ECT2L: variants seen among roughly 807,000 people sequenced by gnomAD.
ECT2L encodes epithelial cell transforming 2 like, also known as epithelial cell-transforming sequence 2 oncogene-like.
ECT2L carries 126 observed loss-of-function variants against 122.8 expected under a neutral mutation model. The observed-to-expected ratio is 1.03, with a 90% CI of 0.89 to 1.19. ECT2L has a LOEUF of 1.19. Ranked by LOEUF, ECT2L falls within the 50% of genes most tolerant of loss-of-function variation. The probability of loss-of-function intolerance (pLI) is 0.00; values close to 1 mark genes in which losing one functional copy is unlikely to be tolerated. For synonymous variants in ECT2L, 385 were observed against 381.8 expected (o/e 1.01, Z -0.10); for missense variants, 1,012 against 1,064.1 (o/e 0.95, Z 0.68).
chr6:138,838,467 T>C lies in ECT2L; in HGVS notation c.295T>C (p.Cys99Arg). 1 of 1,614,016 alleles carries C rather than the reference T, an allele frequency of 6.2e-7. No homozygotes were observed. Among genetic ancestry groups the C allele is most frequent in the Non-Finnish European group, 8.5e-7 (1 of 1,179,974 alleles). ...IFSFLSPKDL[C>R]AAAQVSWPWK... ...TTCCTTTTTGAGTCCGAAAGATTTGTGTGCCGCTGCCCAAGTCAGCTGGCC... is the reference window on the plus strand; with the variant it reads ...TTCCTTTTTGAGTCCGAAAGATTTGCGTGCCGCTGCCCAAGTCAGCTGGCC... Residue 99 changes from cysteine to arginine, a missense_variant, in exon 5 of 22, where the codon TGT (cysteine) becomes CGT (arginine). Cys to Arg is a radical substitution (Grantham distance 180, BLOSUM62 -3). Coordinates refer to ENST00000541398, the MANE Select transcript of ECT2L (RefSeq NM_001077706.3).
At chr6:138,888,647 C>T (rs551587024) in intron 19 of ECT2L, among the ~76,000 whole-genome samples, 1 of 152,222 alleles carries the variant, frequency 6.6e-6, no homozygotes, top group South Asian at 2.1e-4. Flanking sequence ...CTTCTTATCC[C>T]CCAACCCCCA....
intron 14 of ECT2L, among the ~76,000 whole-genome samples, chr6:138,880,273 A>G (rs1457771528): frequency 6.6e-6 from 1 of 152,204 alleles, no homozygotes; most frequent in Non-Finnish European, 1.5e-5. Context: ...TCAAGATGCT[A>G]ACATCTGTCA....
chr6:138,899,604 A>AT (rs1242371212), intron 20 of ECT2L, among the ~76,000 whole-genome samples: 1 of 152,184 alleles, frequency 6.6e-6, no homozygotes, highest in Non-Finnish European at 1.5e-5. Flanking sequence ...GCAGGGATTG[A>AT]TGTCACTTAA....
At chr6:138,799,000 C>A (rs1024419708) in intron 1 of ECT2L, among the ~76,000 whole-genome samples, 1 of 152,168 alleles carries the variant, frequency 6.6e-6, no homozygotes, top group Middle Eastern at 3.2e-3. Context: ...TACATCACTT[C>A]ATTTTTTTGT....
intron 20 of ECT2L, among the ~76,000 whole-genome samples, chr6:138,897,824 A>G (rs542364536): frequency 1.2e-4 from 18 of 152,278 alleles, no homozygotes; most frequent in Admixed American, 8.5e-4. Flanking sequence ...CACCTGGTCC[A>G]AGTGGGTCAC....
Position 138,846,596 on chromosome 6 carries a change from A to C in ECT2L, c.822A>C (p.Gly274=). The C allele has an allele frequency of 1.9e-6, 3 of 1,611,204 alleles. No homozygotes were observed. Among genetic ancestry groups the C allele is most frequent in the Non-Finnish European group, 2.5e-6 (3 of 1,179,160 alleles). Residue 274 remains glycine, a synonymous_variant, in exon 8 of 22, where the codon GGA becomes GGC. Coordinates refer to ENST00000541398, the MANE Select transcript of ECT2L (RefSeq NM_001077706.3). The stretch of plus-strand genomic sequence containing the variant: ...TATTATCAAAGAAAAATTGGCATGG[A>C]GTTCATAAAAATGATGACAGATCTT... ...YPLLSKKNWH[G]VHKNDDRSSY... is the part of the protein sequence containing the mutation.
chr6:138,846,711 T>G lies in ECT2L; in HGVS notation c.903+34T>G, dbSNP rs755643684. Reference sequence around the variant, plus strand: ...TGTTATGAGGCCAGTCCTGTCCTGATTGTTTTTTTGTTTTTTGTTTTTTTT... The same window carrying G: ...TGTTATGAGGCCAGTCCTGTCCTGAGTGTTTTTTTGTTTTTTGTTTTTTTT... On this transcript the variant is annotated intron_variant, in intron 8 of 21. Coordinates refer to ENST00000541398, the MANE Select transcript of ECT2L (RefSeq NM_001077706.3). The G allele has an allele frequency of 3.5e-6, 5 of 1,424,588 alleles. No individual in the cohort carries two copies. In the South Asian group the frequency reaches 7.0e-5, roughly 20 times the overall value. The allele number at this position is 1,424,588 out of a possible 1,614,324, so 88.2% of individuals were successfully genotyped here.
intron 20 of ECT2L, among the ~76,000 whole-genome samples, chr6:138,892,969 A>G (rs1461965396): frequency 2.6e-5 from 4 of 152,084 alleles, no homozygotes; most frequent in East Asian, 1.9e-4. Flanking sequence ...TTCTCTCCCT[A>G]TCATCTTTGG....
chr6:138,838,583 G>A (rs1776928544), intron 5 of ECT2L, 69 bp downstream of exon 5: 40 of 1,468,620 alleles, frequency 2.7e-5, no homozygotes, highest in Non-Finnish European at 3.6e-5. Context: ...GGCTACTGGG[G>A]TAGCTCCCGT....
intron 12 of ECT2L, 150 bp downstream of exon 12, chr6:138,865,328 C>G (rs1450730905): frequency 1.8e-6 from 1 of 567,286 alleles, no homozygotes; most frequent in African/African-American, 1.8e-5. Context: ...CACGGCCTTT[C>G]AAATATAACG....
chr6:138,901,297 A>G lies in ECT2L; in HGVS notation c.2587+177A>G, dbSNP rs533993910. ...ACTTTCATCTACTTTTGAAATGGTT[A>G]AAGACAGGGCTTCTGGCATTCAGAC... is the stretch of plus-strand genomic sequence containing the variant. On this transcript the variant is annotated intron_variant, in intron 21 of 21. Transcript: ENST00000541398. Among the ~76,000 whole-genome samples the G allele has an allele frequency of 4.6e-5, 7 of 152,344 alleles. No homozygotes were observed. The East Asian group carries it at 1.3e-3, about 29-fold the overall frequency.
Position 138,842,974 on chromosome 6 carries a change from T to C in ECT2L, c.343-5T>C, listed in dbSNP as rs756429756. 1 of 1,479,590 alleles carries C rather than the reference T, an allele frequency of 6.8e-7. No individual in the cohort carries two copies. The highest frequency in any genetic ancestry group is 2.3e-5 in the East Asian group (1 of 43,272). The allele number at this position is 1,479,590 out of a possible 1,614,324, so 91.7% of individuals were successfully genotyped here. ...TTGTGACTCATCTTCCTCTTGTTTC[T>C]GAAGGATTGCTTATGGATGCCCAAA... is the stretch of plus-strand genomic sequence containing the variant. On this transcript the variant is annotated splice_polypyrimidine_tract_variant and splice_region_variant and intron_variant, in intron 5 of 21. Coordinates refer to ENST00000541398, the MANE Select transcript of ECT2L (RefSeq NM_001077706.3).
At position 138,881,021 on chromosome 6, in the gene ECT2L, G is replaced by A. The variant is rs1048592006; in HGVS notation, c.1730G>A (p.Ser577Asn). ...AGAGTTGTCAGAGAACTCTTACAGA[G>A]TGAGAGAAAATACGTGCAGATACTG... ...RARVVRELLQSERKYVQILEI... is the reference protein window; with the variant it reads ...RARVVRELLQNERKYVQILEI... The change falls in exon 15 of 22, where the codon AGT (serine) becomes AAT (asparagine). Residue 577 changes from serine to asparagine, a missense_variant. Ser to Asn is a conservative substitution (Grantham distance 46). Coordinates refer to ENST00000541398, the MANE Select transcript of ECT2L (RefSeq NM_001077706.3). 1.2e-6 allele frequency: 2 copies of A among 1,614,126 alleles called. No homozygotes were observed. The highest frequency in any genetic ancestry group is 1.7e-5 in the Admixed American group (1 of 60,020).
rs757591300 is a variant in ECT2L at position 138,882,789 on chromosome 6, T to C, written c.1946T>C (p.Ile649Thr). ...EWGPAHCVGE[I>T]VTKFGSQLNT... The stretch of plus-strand genomic sequence containing the variant: ...GGCCCAGCTCACTGTGTGGGAGAAA[T>C]AGTCACGAAGTTTGGAAGCCAGTTA... The change falls in exon 16 of 22, where the codon ATA (isoleucine) becomes ACA (threonine). Residue 649 changes from isoleucine to threonine, a missense_variant. Coordinates refer to ENST00000541398, the MANE Select transcript of ECT2L (RefSeq NM_001077706.3). The C allele has an allele frequency of 7.4e-6, 12 of 1,614,024 alleles. No individual in the cohort carries two copies. The highest frequency in any genetic ancestry group is 9.3e-6 in the Non-Finnish European group (11 of 1,180,032).
chr6:138,883,587 C>T (rs1778713616), intron 16 of ECT2L, among the ~76,000 whole-genome samples: 1 of 152,228 alleles, frequency 6.6e-6, no homozygotes, highest in African/African-American at 2.4e-5. Context: ...GCTGGGAGGC[C>T]TCTGGAGGGC....
chr6:138,849,092 C>T (rs182470306), intron 8 of ECT2L, among the ~76,000 whole-genome samples, 177 bp from the exon 9 acceptor site: 21 of 152,258 alleles, frequency 1.4e-4, no homozygotes, highest in Admixed American at 7.8e-4. Flanking sequence ...TTTTCTCCTC[C>T]TATAATTAGA....
At chr6:138,827,312 C>T (rs1285708781) in intron 4 of ECT2L, among the ~76,000 whole-genome samples, 1 of 151,942 alleles carries the variant, frequency 6.6e-6, no homozygotes, top group Non-Finnish European at 1.5e-5. Flanking sequence ...CGTGCCATTG[C>T]ACTCCAACCT....
chr6:138,881,036 T>C lies in ECT2L; in HGVS notation c.1745T>C (p.Val582Ala), dbSNP rs1562489792. The change falls in exon 15 of 22, where the codon GTG becomes GCG. Residue 582 changes from valine to alanine, a missense_variant. Transcript: ENST00000541398. ...RELLQSERKY[V>A]QILEIVRDVY... is the part of the protein sequence containing the mutation. ...CTCTTACAGAGTGAGAGAAAATACG[T>C]GCAGATACTGGAAATTGTGAGAGAT... 1.2e-6 allele frequency: 2 copies of C among 1,614,116 alleles called. No homozygotes were observed. Among genetic ancestry groups the C allele is most frequent in the Non-Finnish European group, 1.7e-6 (2 of 1,180,012 alleles).
At chr6:138,828,988 T>G (rs1776553154) in intron 4 of ECT2L, among the ~76,000 whole-genome samples, 1 of 152,064 alleles carries the variant, frequency 6.6e-6, no homozygotes, top group African/African-American at 2.4e-5. Context: ...GGTCTCACTC[T>G]GTCACTCAGG....
Sources: allele counts gnomAD v4.1 joint callset (sites outside exome capture counted in the v4.1 genomes callset), GRCh38; gene constraint gnomAD v4.1.1; transcripts MANE v1.5; gene names NCBI Gene and HGNC (gene_info 2026-07-23, HGNC 2026-07-21).